The following DIS3L2 variants were observed in gnomAD, a reference collection of about 807,000 sequenced individuals.
The protein encoded by DIS3L2 is DIS3 like 3'-5' exoribonuclease 2.
DIS3L2 carries 34 observed loss-of-function variants against 97.5 expected under a neutral mutation model. That is an observed-to-expected ratio of 0.35 (90% CI 0.27 to 0.46). The LOEUF is 0.46. Ranked by LOEUF, DIS3L2 falls within the 20% of genes least tolerant of loss-of-function variation. The probability of loss-of-function intolerance (pLI) is 1.00; values close to 1 mark genes in which losing one functional copy is unlikely to be tolerated. For synonymous variants in DIS3L2, 435 were observed against 445.2 expected (o/e 0.98, Z 0.29); for missense variants, 1,038 against 1,146.0 (o/e 0.91, Z 1.36).
chr2:231,992,608 T>C (rs898524152), intron 1 of DIS3L2, among the ~76,000 whole-genome samples: 2 of 152,194 alleles, frequency 1.3e-5, no homozygotes, highest in Admixed American at 6.5e-5. Context: ...TGATTTCTTT[T>C]TTGTGTTATC....
intron 5 of DIS3L2, among the ~76,000 whole-genome samples, chr2:232,080,220 G>A (rs999598310): frequency 3.9e-5 from 6 of 152,282 alleles, no homozygotes; most frequent in African/African-American, 1.4e-4. Context: ...GTTTAGGGCT[G>A]GAGGAACTAG....
At chr2:232,264,971 G>T (rs1693816419) in intron 13 of DIS3L2, among the ~76,000 whole-genome samples, 1 of 152,208 alleles carries the variant, frequency 6.6e-6, no homozygotes, top group Admixed American at 6.5e-5. Flanking sequence ...GAGACAAGAG[G>T]CAGAGCGGAT....
chr2:232,338,947 C>T (rs918530102), downstream of DIS3L2, among the ~76,000 whole-genome samples: 8 of 152,390 alleles, frequency 5.2e-5, no homozygotes, highest in Admixed American at 2.6e-4. Context: ...AAGGAGACAC[C>T]GTGGGGGAGG....
chr2:231,982,532 TAAAG>T (rs1693291646), intron 1 of DIS3L2, among the ~76,000 whole-genome samples: 1 of 152,200 alleles, frequency 6.6e-6, no homozygotes, highest in African/African-American at 2.4e-5. Context: ...GTGAAGTAGA[TAAAG>T]AATGTTTTAT....
chr2:232,235,926 A>G (rs4973511), intron 10 of DIS3L2, among the ~76,000 whole-genome samples: 33,328 of 152,186 alleles, frequency 0.22, 4,402 homozygotes, highest in South Asian at 0.47. Flanking sequence ...AGAATGAGGC[A>G]GCTAAGCTTG....
intron 12 of DIS3L2, among the ~76,000 whole-genome samples, chr2:232,256,301 C>T (rs565117655): frequency 6.6e-6 from 1 of 152,232 alleles, no homozygotes; most frequent in South Asian, 2.1e-4. Flanking sequence ...TTATGTGTAA[C>T]TGAGCTCTCT....
At chr2:232,214,557 A>G (rs1266195047) in intron 10 of DIS3L2, among the ~76,000 whole-genome samples, 2 of 152,106 alleles carry the variant, frequency 1.3e-5, no homozygotes, top group Non-Finnish European at 2.9e-5. Context: ...TTTGGTGTCC[A>G]GTGGGTTATG....
chr2:231,980,943 A>C (rs1693235955), intron 1 of DIS3L2, among the ~76,000 whole-genome samples: 1 of 151,578 alleles, frequency 6.6e-6, no homozygotes, highest in African/African-American at 2.4e-5. Context: ...CTAATTTTTA[A>C]ATTTTTTTAA....
intron 9 of DIS3L2, among the ~76,000 whole-genome samples, chr2:232,194,769 T>A (rs2106199987): frequency 6.6e-6 from 1 of 151,768 alleles, no homozygotes; most frequent in Non-Finnish European, 1.5e-5. Context: ...GCTGTGGGAG[T>A]TGGGCTGAGG....
downstream of DIS3L2, chr2:232,340,999 C>A (rs1194637155): frequency 6.5e-6 from 3 of 462,562 alleles, no homozygotes; most frequent in Admixed American, 7.2e-5. Context: ...CATCGTGAAA[C>A]GAGAGGAGGT....
intron 6 of DIS3L2, among the ~76,000 whole-genome samples, chr2:232,111,901 T>C (rs1427766675): frequency 1.3e-5 from 2 of 152,364 alleles, no homozygotes; most frequent in South Asian, 2.1e-4. Context: ...GAAGCAAATA[T>C]GTGCTCCTAC....
chr2:232,299,964 A>AT (rs1334701379), intron 13 of DIS3L2, 76 bp from the exon 14 acceptor site: 12 of 1,460,138 alleles, frequency 8.2e-6, no homozygotes, highest in South Asian at 1.2e-5. Flanking sequence ...GTTTGATTTT[A>AT]TTTTTTTCAT....
At chr2:232,166,671 G>T (rs187239514) in intron 9 of DIS3L2, among the ~76,000 whole-genome samples, 11 of 150,628 alleles carry the variant, frequency 7.3e-5, no homozygotes, top group Non-Finnish European at 1.3e-4. Flanking sequence ...AGCCAAGATC[G>T]CACCACTGCA....
At chr2:232,120,711 A>C (rs528524113) in intron 6 of DIS3L2, among the ~76,000 whole-genome samples, 66 of 152,168 alleles carry the variant, frequency 4.3e-4, no homozygotes, top group Non-Finnish European at 7.8e-4. Flanking sequence ...TTTGGCTTTG[A>C]TGTTTCAGAG....
chr2:232,136,460 T>C lies in DIS3L2; in HGVS notation c.703-12T>C. On this transcript the variant is annotated splice_polypyrimidine_tract_variant and intron_variant, in intron 7 of 20. Transcript: ENST00000325385. The stretch of plus-strand genomic sequence containing the variant: ...AGATAAACAACATTGACTATATCTT[T>C]GGTGTTTTTAGGTGGTTTACATCTT... 2.5e-6 allele frequency: 4 copies of C among 1,613,550 alleles called. No homozygotes were observed. Among genetic ancestry groups the C allele is most frequent in the Non-Finnish European group, 3.4e-6 (4 of 1,179,598 alleles).
At chr2:232,164,003 C>T (rs1690733027) in intron 9 of DIS3L2, among the ~76,000 whole-genome samples, 1 of 152,154 alleles carries the variant, frequency 6.6e-6, no homozygotes, top group South Asian at 2.1e-4. Context: ...TACAACAGCC[C>T]AGTTGATTAG....
rs191534481 is a variant in DIS3L2, at chr2:232,320,258, C to T, written c.1740-9555C>T. On this transcript the variant is annotated intron_variant, in intron 14 of 20. Transcript: ENST00000325385. ...CTGTGTGTCAATATTTTAAAAGTCACAGAATGAATGCAGAGCTCTGCCAAA... is the reference window on the plus strand; with the variant it reads ...CTGTGTGTCAATATTTTAAAAGTCATAGAATGAATGCAGAGCTCTGCCAAA... 3.3e-4 allele frequency among the ~76,000 whole-genome samples: 51 copies of T among 152,268 alleles called. No homozygotes were observed. In the East Asian group the frequency reaches 9.7e-3, roughly 29 times the overall value.
intron 1 of DIS3L2, among the ~76,000 whole-genome samples, chr2:231,963,598 A>C (rs570151125): frequency 6.6e-6 from 1 of 152,320 alleles, no homozygotes; most frequent in African/African-American, 2.4e-5. Context: ...TAGTTTAATT[A>C]GTTCCAACTT....
intron 11 of DIS3L2, among the ~76,000 whole-genome samples, chr2:232,241,192 C>T (rs1360767188): frequency 6.6e-6 from 1 of 152,250 alleles, no homozygotes; most frequent in Non-Finnish European, 1.5e-5. Flanking sequence ...GGACTGTGTC[C>T]AGGAACTTTT....
Sources: allele counts gnomAD v4.1 joint callset (sites outside exome capture counted in the v4.1 genomes callset), GRCh38; gene constraint gnomAD v4.1.1; transcripts MANE v1.5; gene names NCBI Gene and HGNC (gene_info 2026-07-23, HGNC 2026-07-21).